The following ZBTB46 variants were observed in gnomAD, a reference collection of about 807,000 sequenced individuals.
The protein encoded by ZBTB46 is zinc finger and BTB domain containing 46.
A neutral mutation model predicts 44.1 loss-of-function variants in ZBTB46; 8 were observed. That is an observed-to-expected ratio of 0.18 (90% CI 0.11 to 0.33). The LOEUF is 0.33. Among genes scored for constraint, ZBTB46 ranks in the 10% least tolerant of loss-of-function variants. The pLI is 1.00. For synonymous variants in ZBTB46, 409 were observed against 382.3 expected (o/e 1.07, Z -0.81); for missense variants, 651 against 847.7 (o/e 0.77, Z 2.88).
chr20:63,817,715 C>CAAAA (rs3068855), intron 1 of ZBTB46, among the ~76,000 whole-genome samples: 10,637 of 78,408 alleles, frequency 0.14, 748 homozygotes, highest in African/African-American at 0.27. Flanking sequence ...GACTCTGTCT[C>CAAAA]AAAAAAAAAA....
intron 1 of ZBTB46, among the ~76,000 whole-genome samples, chr20:63,801,493 G>A (rs1017769659): frequency 2.6e-5 from 4 of 152,344 alleles, no homozygotes; most frequent in Non-Finnish European, 5.9e-5. Flanking sequence ...AGAGCAGGCT[G>A]CCCCAACCAG....
At chr20:63,768,736 T>TCCA (rs774730615) in intron 3 of ZBTB46, among the ~76,000 whole-genome samples, 1 of 152,114 alleles carries the variant, frequency 6.6e-6, no homozygotes, top group South Asian at 2.1e-4. Context: ...GAGAATGCCT[T>TCCA]CCACCAGGGC....
intron 1 of ZBTB46, among the ~76,000 whole-genome samples, chr20:63,808,991 A>AAG (rs1261260199): frequency 2.0e-5 from 3 of 147,166 alleles, no homozygotes; most frequent in Non-Finnish European, 3.0e-5. Flanking sequence ...AAAAAAAAAA[A>AAG]AAAAAAAAGA....
At chr20:63,800,605 G>A (rs1295573620) in intron 1 of ZBTB46, among the ~76,000 whole-genome samples, 2 of 152,368 alleles carry the variant, frequency 1.3e-5, no homozygotes, top group South Asian at 2.1e-4. Context: ...CGGCGCTTGC[G>A]GGCCAGCTAG....
chr20:63,774,392 T>C (rs2092402891), intron 3 of ZBTB46, among the ~76,000 whole-genome samples: 1 of 152,210 alleles, frequency 6.6e-6, no homozygotes, highest in South Asian at 2.1e-4. Context: ...GAAACAGATA[T>C]ACTTCCCAAA....
At chr20:63,761,461 G>A (rs1023328454) in intron 3 of ZBTB46, among the ~76,000 whole-genome samples, 1 of 151,990 alleles carries the variant, frequency 6.6e-6, no homozygotes, top group Non-Finnish European at 1.5e-5. Flanking sequence ...TAAAAGTTTT[G>A]ATACAGCATT....
chr20:63,791,495 CAAAAAAAAA>C (rs59810640), intron 1 of ZBTB46, among the ~76,000 whole-genome samples: 2 of 61,230 alleles, frequency 3.3e-5, no homozygotes, highest in South Asian at 6.4e-4. Flanking sequence ...GACTCCATCT[CAAAAAAAAA>C]AAAAAAAAAA....
chr20:63,766,308 C>A (rs932716370), intron 3 of ZBTB46, among the ~76,000 whole-genome samples: 1 of 147,784 alleles, frequency 6.8e-6, no homozygotes, highest in East Asian at 2.0e-4. Context: ...TTCCGCCTCC[C>A]GGGTTCAAGT....
intron 1 of ZBTB46, 26 bp from the exon 2 acceptor site, chr20:63,790,816 C>G: frequency 6.6e-7 from 1 of 1,504,462 alleles, no homozygotes; most frequent in Non-Finnish European, 8.9e-7. Flanking sequence ...CAAGAGTTAC[C>G]CAAGCTCAGC....
intron 3 of ZBTB46, among the ~76,000 whole-genome samples, chr20:63,765,452 C>G (rs2092313511): frequency 6.6e-6 from 1 of 151,988 alleles, no homozygotes; most frequent in Non-Finnish European, 1.5e-5. Flanking sequence ...TTTTTTGATA[C>G]AGGGTCTCAC....
chr20:63,794,151 A>T (rs2092583070), intron 1 of ZBTB46, among the ~76,000 whole-genome samples: 1 of 150,282 alleles, frequency 6.7e-6, no homozygotes, highest in Non-Finnish European at 1.5e-5. Context: ...GAGCCACTGC[A>T]CTCCATCCAG....
At chr20:63,832,089 G>A (rs976621060), upstream of ZBTB46, among the ~76,000 whole-genome samples, 1 of 151,872 alleles carries the variant, frequency 6.6e-6, no homozygotes, top group Non-Finnish European at 1.5e-5. This position sits in a 1 kb window ranked among gnomAD's most constrained non-coding sequence, Gnocchi z 5.0. Context: ...TTGTCTGCGG[G>A]GGACGAATGG....
chr20:63,820,381 G>A (rs960727711), intron 1 of ZBTB46, among the ~76,000 whole-genome samples: 6 of 151,666 alleles, frequency 4.0e-5, no homozygotes, highest in African/African-American at 1.5e-4. Context: ...TTACAGGCAT[G>A]AGACACCGCG....
At chr20:63,817,546 A>G (rs1341446605) in intron 1 of ZBTB46, among the ~76,000 whole-genome samples, 1 of 151,716 alleles carries the variant, frequency 6.6e-6, no homozygotes, top group East Asian at 1.9e-4. Context: ...GAAACCCTGT[A>G]CCTACCAAAA....
intron 3 of ZBTB46, among the ~76,000 whole-genome samples, chr20:63,769,006 G>C (rs2092344468): frequency 6.6e-6 from 1 of 152,328 alleles, no homozygotes. Flanking sequence ...GTTGCTGTGG[G>C]AGTGGAACAA....
At chr20:63,772,756 CA>C (rs759567497) in intron 3 of ZBTB46, among the ~76,000 whole-genome samples, 8,082 of 66,636 alleles carry the variant, frequency 0.12, 636 homozygotes, top group African/African-American at 0.34. Flanking sequence ...CACACACACA[CA>C]CACACACACA....
chr20:63,779,064 G>A (rs941098125), intron 2 of ZBTB46, among the ~76,000 whole-genome samples: 3 of 152,042 alleles, frequency 2.0e-5, no homozygotes, highest in South Asian at 2.1e-4. Context: ...GCTCACGAGC[G>A]TGTTCAGGGA....
At chr20:63,747,638 G>A (rs2092117410) in intron 4 of ZBTB46, among the ~76,000 whole-genome samples, 1 of 151,858 alleles carries the variant, frequency 6.6e-6, no homozygotes, top group Admixed American at 6.6e-5. Flanking sequence ...GGTGGGGGAG[G>A]TGCGCAGACA....
At chr20:63,747,489 C>A (rs13043663) in intron 4 of ZBTB46, among the ~76,000 whole-genome samples, 188 bp from the exon 5 acceptor site, 6 of 21,352 alleles carry the variant, frequency 2.8e-4, no homozygotes, top group African/African-American at 4.2e-4. Context: ...GAGCAGGGCC[C>A]GGTGGAGGTT....
Sources: gnomAD v4.1 joint callset for allele counts (sites outside exome capture counted in the v4.1 genomes callset) on GRCh38, gnomAD v4.1.1 for gene constraint, Gnocchi (gnomAD v3.1) non-coding constraint, MANE v1.5 for transcripts, NCBI Gene and HGNC (gene_info 2026-07-23, HGNC 2026-07-21) for gene names.